Variants in KHDRBS1 observed in about 807,000 individuals in gnomAD.
KHDRBS1 encodes the protein KH RNA binding domain containing, signal transduction associated 1.
KHDRBS1 carries 7 observed loss-of-function variants against 48.4 expected under a neutral mutation model. That is an observed-to-expected ratio of 0.14 (90% CI 0.08 to 0.27). The LOEUF (loss-of-function observed/expected upper bound fraction) is 0.27. KHDRBS1 is among the 10% of genes least tolerant of loss of function. The pLI, the probability that KHDRBS1 is intolerant of heterozygous loss-of-function variation, is 1.00. For synonymous variants in KHDRBS1, 241 were observed against 235.8 expected (o/e 1.02, Z -0.20); for missense variants, 458 against 601.2 (o/e 0.76, Z 2.49).
Position 32,031,631 on chromosome 1 carries a change from C to A in KHDRBS1, c.615C>A (p.Asp205Glu). Reference protein sequence around the residue: ...ISVLGKGSMRDKAKEEELRKG... With the variant: ...ISVLGKGSMREKAKEEELRKG... ...TATTGGGAAAGGGCTCAATGAGAGA[C>A]AAAGCCAAGGTAAGCTCACATTAGT... is the stretch of plus-strand genomic sequence containing the variant. The change falls in exon 3 of 9, where the codon GAC becomes GAA. Residue 205 changes from aspartate to glutamate, a missense_variant. By Grantham distance (45) the Asp-to-Glu change is conservative. Around this residue, in one of 3 missense-constraint regions of KHDRBS1, gnomAD observed 74 missense variants for 156.9 expected, o/e 0.47. Transcript: ENST00000327300. 6.2e-7 allele frequency: 1 copy of A among 1,602,356 alleles called. No individual in the cohort carries two copies.
chr1:32,022,475 G>A (rs1345655476), intron 1 of KHDRBS1, among the ~76,000 whole-genome samples: 1 of 152,118 alleles, frequency 6.6e-6, no homozygotes, highest in East Asian at 1.9e-4. Context: ...GAGTCTAGAG[G>A]AGGGTATGAA....
At position 32,055,080 on chromosome 1, in the gene KHDRBS1, A is replaced by G. The variant is rs140963159; in HGVS notation, n.1302-5083A>G. Among the ~76,000 whole-genome samples, 158 of 152,272 alleles carry G rather than the reference A, an allele frequency of 1.0e-3. 6 individuals carry two copies. The East Asian group carries it at 0.011, about 11-fold the overall frequency. On this transcript the variant is annotated intron_variant and non_coding_transcript_variant, in intron 10 of 10. Coordinates refer to the KHDRBS1 transcript ENST00000484270. ...CCTAGGGTGGCCGCATGATCAGCTT[A>G]CACCAAAGTAGTTCCTGGCTTTGGT...
At chr1:32,017,519 A>G (rs1367511123) in intron 1 of KHDRBS1, among the ~76,000 whole-genome samples, 1 of 151,766 alleles carries the variant, frequency 6.6e-6, no homozygotes, top group East Asian at 1.9e-4. Flanking sequence ...TTTCTGGAAG[A>G]GAAATAATTT....
intron 1 of KHDRBS1, among the ~76,000 whole-genome samples, chr1:32,022,831 A>C (rs1638888324): frequency 6.6e-6 from 1 of 152,108 alleles, no homozygotes; most frequent in South Asian, 2.1e-4. Context: ...CGGAGGTTGC[A>C]GTGAGCCAAA....
chr1:32,027,452 G>T (rs1638996770), intron 1 of KHDRBS1, among the ~76,000 whole-genome samples: 1 of 152,124 alleles, frequency 6.6e-6, no homozygotes, highest in African/African-American at 2.4e-5. Flanking sequence ...AAACAGTAAG[G>T]GTTAGGGTTA....
At chr1:32,027,602 TTTAA>T (rs1639001241) in intron 1 of KHDRBS1, among the ~76,000 whole-genome samples, 1 of 152,182 alleles carries the variant, frequency 6.6e-6, no homozygotes, top group Admixed American at 6.5e-5. Flanking sequence ...AGTAAAGGTT[TTTAA>T]TTAAGGATAT....
downstream of KHDRBS1, among the ~76,000 whole-genome samples, chr1:32,044,288 T>C (rs528210336): frequency 6.6e-6 from 1 of 152,328 alleles, no homozygotes; most frequent in Admixed American, 6.5e-5. Flanking sequence ...TTCTGTGAGC[T>C]CAGAAGGGGA....
chr1:32,050,800 G>A (rs556094315), intron 10 of KHDRBS1, among the ~76,000 whole-genome samples: 16 of 152,126 alleles, frequency 1.1e-4, no homozygotes, highest in African/African-American at 3.9e-4. Context: ...GATTACAGGT[G>A]TAAGCCACCA....
intron 1 of KHDRBS1, among the ~76,000 whole-genome samples, chr1:32,023,573 T>C (rs1638902985): frequency 6.6e-6 from 1 of 152,130 alleles, no homozygotes; most frequent in Admixed American, 6.6e-5. Context: ...ATATCCAAGG[T>C]CTCCAGAGAC....
At position 32,013,969 on chromosome 1, in the gene KHDRBS1, C is replaced by T; in HGVS notation, c.-27C>T. ...CTCCGTCGCTGCCGCGTCGCTTTCT[C>T]GCTCCTTGGATCGCACATCCTCCCA... On this transcript the variant is annotated 5_prime_UTR_variant, in exon 1 of 9. Coordinates refer to ENST00000327300, the MANE Select transcript of KHDRBS1 (RefSeq NM_006559.3). The T allele has an allele frequency of 1.4e-6, 2 of 1,449,984 alleles. No individual in the cohort carries two copies. The highest frequency in any genetic ancestry group is 1.8e-6 in the Non-Finnish European group (2 of 1,108,566). The allele number at this position is 1,449,984 out of a possible 1,614,324, so 89.8% of individuals were successfully genotyped here.
At chr1:32,022,060 C>G (rs575538700) in intron 1 of KHDRBS1, among the ~76,000 whole-genome samples, 1 of 151,806 alleles carries the variant, frequency 6.6e-6, no homozygotes, top group African/African-American at 2.4e-5. Context: ...CTCCACCTCC[C>G]GGGTTCAAGC....
At chr1:32,014,400 T>C (rs764079264) in intron 1 of KHDRBS1, 23 bp downstream of exon 1, 5 of 1,317,080 alleles carry the variant, frequency 3.8e-6, no homozygotes, top group Non-Finnish European at 3.9e-6. Flanking sequence ...CCCGTGTCCC[T>C]CTGGGTCGCC....
chr1:32,035,982 A>G (rs935076066), intron 4 of KHDRBS1, among the ~76,000 whole-genome samples: 8 of 152,130 alleles, frequency 5.3e-5, no homozygotes, highest in Admixed American at 5.2e-4. Context: ...AGACAGTATA[A>G]GGACAAAAAA....
chr1:32,057,838 C>T (rs1378339424), intron 10 of KHDRBS1, among the ~76,000 whole-genome samples: 2 of 145,258 alleles, frequency 1.4e-5, no homozygotes, highest in African/African-American at 5.1e-5. Flanking sequence ...TCTCAGGGGC[C>T]GGGTGCGGTG....
chr1:32,045,588 A>G (rs571949083), downstream of KHDRBS1, among the ~76,000 whole-genome samples: 5 of 152,352 alleles, frequency 3.3e-5, no homozygotes, highest in Admixed American at 3.3e-4. Flanking sequence ...GACAATATCA[A>G]CTTAGATCTG....
chr1:32,039,190 G>C (rs1042561608), intron 7 of KHDRBS1, among the ~76,000 whole-genome samples: 2 of 152,120 alleles, frequency 1.3e-5, no homozygotes, highest in African/African-American at 2.4e-5. Flanking sequence ...GAATTCTACA[G>C]CAGTGATAAA....
At chr1:32,037,083 T>G in intron 5 of KHDRBS1, 40 bp downstream of exon 5, 4 of 1,601,674 alleles carry the variant, frequency 2.5e-6, no homozygotes, top group Non-Finnish European at 3.4e-6. Context: ...GATGTGAATT[T>G]GACTACTAGT....
At chr1:32,028,082 G>A (rs1369647264) in intron 1 of KHDRBS1, among the ~76,000 whole-genome samples, 20 of 152,132 alleles carry the variant, frequency 1.3e-4, no homozygotes, top group African/African-American at 4.1e-4. Flanking sequence ...GCACCACTGC[G>A]CTCCAACCTG....
chr1:32,030,446 C>CT, intron 2 of KHDRBS1, 24 bp downstream of exon 2: 1 of 1,585,842 alleles, frequency 6.3e-7, no homozygotes, highest in Non-Finnish European at 8.6e-7. Context: ...TGCTTTGGAT[C>CT]TTTGAGTTAT....
Sources: gnomAD v4.1 joint callset for allele counts (sites outside exome capture counted in the v4.1 genomes callset) on GRCh38, gnomAD v4.1.1 for gene constraint, gnomAD v4.1.1 regional missense constraint, MANE v1.5 for transcripts, NCBI Gene and HGNC (gene_info 2026-07-23, HGNC 2026-07-21) for gene names.